The following ZNF362 variants were observed in gnomAD, a reference collection of about 807,000 sequenced individuals.
The protein encoded by ZNF362 is rotund homolog.
ZNF362 carries 11 observed loss-of-function variants against 42.9 expected under a neutral mutation model. The observed-to-expected ratio is 0.26, with a 90% CI of 0.16 to 0.42. The LOEUF (loss-of-function observed/expected upper bound fraction) is 0.42, where lower values mean the gene tolerates loss of function less well. ZNF362 is among the 20% of genes least tolerant of loss of function. The pLI, the probability that ZNF362 is intolerant of heterozygous loss-of-function variation, is 1.00. For synonymous variants in ZNF362, 255 were observed against 257.3 expected (o/e 0.99, Z 0.09); for missense variants, 362 against 576.2 (o/e 0.63, Z 3.81).
chr1:33,198,279 C>T, the ZNF362 span, among the ~76,000 whole-genome samples: 2 of 151,932 alleles, frequency 1.3e-5, no homozygotes, highest in Non-Finnish European at 2.9e-5. Context: ...CTTTGGGAGA[C>T]CAGGGTATTT....
intron 6 of ZNF362, among the ~76,000 whole-genome samples, chr1:33,291,949 A>G (rs1267256312): frequency 2.0e-5 from 3 of 152,236 alleles, no homozygotes; most frequent in Non-Finnish European, 2.9e-5. Context: ...GTTGCTTATC[A>G]GCTTAAGGAG....
chr1:33,158,435 G>A, the ZNF362 span: 29 of 1,320,594 alleles, frequency 2.2e-5, no homozygotes, highest in South Asian at 8.3e-5. Flanking sequence ...CAGGGGCCCC[G>A]CAGCCACCTT....
intron 1 of ZNF362, among the ~76,000 whole-genome samples, chr1:33,260,340 A>G (rs564457640): frequency 1.3e-5 from 2 of 152,274 alleles, no homozygotes; most frequent in East Asian, 3.9e-4. Context: ...CCAGCCACAC[A>G]CCAGTTTCAT....
chr1:33,201,829 G>C, the ZNF362 span, among the ~76,000 whole-genome samples: 1 of 152,188 alleles, frequency 6.6e-6, no homozygotes, highest in African/African-American at 2.4e-5. Context: ...ACAAAAGCTG[G>C]TTCATAGAGC....
the ZNF362 span, among the ~76,000 whole-genome samples, chr1:33,247,414 C>T: frequency 6.6e-6 from 1 of 152,206 alleles, no homozygotes; most frequent in Non-Finnish European, 1.5e-5. Context: ...CACTTGGAGT[C>T]GTTTCTTTAA....
the ZNF362 span, chr1:33,182,058 C>G: frequency 2.6e-5 from 4 of 152,222 alleles, no homozygotes; most frequent in African/African-American, 9.7e-5. Flanking sequence ...CCAGCCGAAT[C>G]CGAGCTGCCG....
At chr1:33,218,167 C>A in the ZNF362 span, among the ~76,000 whole-genome samples, 1 of 152,184 alleles carries the variant, frequency 6.6e-6, no homozygotes, top group Non-Finnish European at 1.5e-5. Flanking sequence ...AGGGGCTGGG[C>A]ATGGCAGCTT....
upstream of ZNF362, among the ~76,000 whole-genome samples, chr1:33,253,791 A>T (rs943450077): frequency 2.6e-5 from 4 of 152,190 alleles, no homozygotes; most frequent in African/African-American, 9.7e-5. Context: ...AGGTGCTGTG[A>T]TGGGCATTAT....
chr1:33,147,170 G>C, the ZNF362 span: 1 of 1,612,138 alleles, frequency 6.2e-7, no homozygotes, highest in Non-Finnish European at 8.5e-7. The surrounding 1 kb of genome is among the most constrained non-coding windows in gnomAD (Gnocchi z 8.1). Context: ...GTCTCCTTCT[G>C]CCTGGACTAG....
At chr1:33,202,260 A>G in the ZNF362 span, among the ~76,000 whole-genome samples, 1 of 152,244 alleles carries the variant, frequency 6.6e-6, no homozygotes, top group Non-Finnish European at 1.5e-5. Context: ...TTTCCAATTC[A>G]TCCTATAAAA....
intron 6 of ZNF362, among the ~76,000 whole-genome samples, chr1:33,292,944 G>A (rs1232231800): frequency 6.6e-6 from 1 of 152,192 alleles, no homozygotes; most frequent in Non-Finnish European, 1.5e-5. Flanking sequence ...AATGTGCAGG[G>A]GTGCTCAGAA....
At chr1:33,140,308 G>T in the ZNF362 span, among the ~76,000 whole-genome samples, 4 of 152,226 alleles carry the variant, frequency 2.6e-5, no homozygotes, top group Admixed American at 2.6e-4. This position sits in a 1 kb window ranked among gnomAD's most constrained non-coding sequence, Gnocchi z 4.0. Context: ...CCTGGTGAGA[G>T]GCACAAACCT....
At chr1:33,194,576 A>C in the ZNF362 span, among the ~76,000 whole-genome samples, 1 of 150,952 alleles carries the variant, frequency 6.6e-6, no homozygotes, top group Non-Finnish European at 1.5e-5. Context: ...GAAGCCGCAC[A>C]CCTGGTATTA....
chr1:33,289,780 C>T (rs1646062400), intron 6 of ZNF362, among the ~76,000 whole-genome samples: 1 of 152,178 alleles, frequency 6.6e-6, no homozygotes, highest in Admixed American at 6.5e-5. Context: ...GGAATGAGCC[C>T]AAGGGAGTTC....
chr1:33,222,693 C>G, the ZNF362 span, among the ~76,000 whole-genome samples: 1 of 152,338 alleles, frequency 6.6e-6, no homozygotes, highest in East Asian at 1.9e-4. Flanking sequence ...GCATTTGCTG[C>G]TTAATCTGTC....
rs764369652 is a variant in ZNF362 at position 33,280,408 on chromosome 1, T to C, written c.634T>C (p.Tyr212His). 10 of 1,612,604 alleles carry C rather than the reference T, an allele frequency of 6.2e-6. No homozygotes were observed. Among genetic ancestry groups the C allele is most frequent in the Non-Finnish European group, 8.5e-7 (1 of 1,179,314 alleles). Residue 212 changes from tyrosine (Y) to histidine (H), a missense_variant, in exon 5 of 9, where the codon TAT (tyrosine) becomes CAT (histidine). Coordinates refer to ENST00000539719, the MANE Select transcript of ZNF362 (RefSeq NM_152493.3). The surrounding 1 kb of genome is among the most constrained non-coding windows in gnomAD (Gnocchi z 5.6). Reference protein sequence around the residue: ...PGGPPVLVVPYPILASGETAK... With the variant: ...PGGPPVLVVPHPILASGETAK... ...GGGTCCGCCTGTCCTTGTAGTCCCCTATCCCATCCTGGCCTCGGGCGAGAC... is the reference window on the plus strand; with the variant it reads ...GGGTCCGCCTGTCCTTGTAGTCCCCCATCCCATCCTGGCCTCGGGCGAGAC...
At chr1:33,235,493 C>G in the ZNF362 span, among the ~76,000 whole-genome samples, 2 of 152,166 alleles carry the variant, frequency 1.3e-5, no homozygotes, top group Non-Finnish European at 2.9e-5. Context: ...GTGGCCTCCT[C>G]TCTCCACATC....
At chr1:33,132,240 G>A in the ZNF362 span, among the ~76,000 whole-genome samples, 2 of 152,294 alleles carry the variant, frequency 1.3e-5, no homozygotes, top group South Asian at 2.1e-4. Flanking sequence ...AAAAGGCAGC[G>A]TGAGCTCTCC....
chr1:33,148,683 T>C, the ZNF362 span, among the ~76,000 whole-genome samples: 1 of 152,222 alleles, frequency 6.6e-6, no homozygotes, highest in African/African-American at 2.4e-5. Flanking sequence ...TATGTACATA[T>C]ACACACACAA....
Sources: allele counts gnomAD v4.1 joint callset (sites outside exome capture counted in the v4.1 genomes callset), GRCh38; gene constraint gnomAD v4.1.1; non-coding constraint Gnocchi (gnomAD v3.1); transcripts MANE v1.5; gene names NCBI Gene and HGNC (gene_info 2026-07-23, HGNC 2026-07-21).